STK32A: variants seen among roughly 807,000 people sequenced by gnomAD.
The protein encoded by STK32A is serine/threonine-protein kinase 32A.
Under a neutral mutation model 53.2 loss-of-function variants are expected in STK32A, and 41 were observed. That is an observed-to-expected ratio of 0.77 (90% CI 0.60 to 1.00). The LOEUF is 1.00. Ranked by LOEUF, STK32A falls within the 50% of genes least tolerant of loss-of-function variation. STK32A has a pLI of 0.00. For missense variants in STK32A, 458 were observed against 485.8 expected, an observed-to-expected ratio of 0.94 and a Z score of 0.54; for synonymous variants, 166 against 162.8, an observed-to-expected ratio of 1.02 and a Z score of -0.15.
chr5:147,399,039 T>C, the STK32A span: 2 of 1,598,116 alleles, frequency 1.3e-6, no homozygotes, highest in Non-Finnish European at 1.7e-6. Context: ...GTTCCTTGCA[T>C]GCATTCTCCA....
intron 4 of STK32A, among the ~76,000 whole-genome samples, chr5:147,312,407 A>G (rs1753748332): frequency 6.6e-6 from 1 of 152,178 alleles, no homozygotes; most frequent in Non-Finnish European, 1.5e-5. Context: ...CCCGGCCTGA[A>G]CACTTACTAT....
At chr5:147,379,977 T>C (rs1375933452) in intron 11 of STK32A, among the ~76,000 whole-genome samples, 2 of 152,118 alleles carry the variant, frequency 1.3e-5, no homozygotes, top group African/African-American at 2.4e-5. Flanking sequence ...CTTCTTAAAC[T>C]TCTCCACCTA....
chr5:147,350,069 C>G (rs1755886281), intron 6 of STK32A, among the ~76,000 whole-genome samples: 1 of 151,430 alleles, frequency 6.6e-6, no homozygotes, highest in African/African-American at 2.4e-5. Context: ...CGAGAGCACA[C>G]CATAACACTC....
At chr5:147,331,788 C>A (rs962616450) in intron 5 of STK32A, among the ~76,000 whole-genome samples, 1 of 152,048 alleles carries the variant, frequency 6.6e-6, no homozygotes, top group African/African-American at 2.4e-5. Context: ...TAGAGAGACA[C>A]AGGGAGGATG....
At position 147,351,088 on chromosome 5, in the gene STK32A, A is replaced by G; in HGVS notation, c.496A>G (p.Asn166Asp). ...EHGHVHITDF[N>D]IAAMLPRETQ... ...AGGGCACGTGCACATCACAGATTTC[A>G]ACATTGCTGCGATGCTGCCCAGGGA... The change falls in exon 7 of 13, where the codon AAC becomes GAC. Residue 166 changes from asparagine to aspartate, a missense_variant. Asn to Asp is a conservative substitution (Grantham distance 23). Transcript: ENST00000397936. 1 of 1,613,958 alleles carries G rather than the reference A, an allele frequency of 6.2e-7. No individual in the cohort carries two copies.
intron 2 of STK32A, among the ~76,000 whole-genome samples, chr5:147,274,712 C>A (rs1225240694): frequency 6.6e-6 from 1 of 152,206 alleles, no homozygotes; most frequent in African/African-American, 2.4e-5. Flanking sequence ...ATTCTATGCA[C>A]ATGACCCATT....
At chr5:147,281,359 T>A (rs962265361) in intron 4 of STK32A, among the ~76,000 whole-genome samples, 1 of 152,050 alleles carries the variant, frequency 6.6e-6, no homozygotes, top group African/African-American at 2.4e-5. Flanking sequence ...CAAAATATGA[T>A]ACAAGAAGTG....
chr5:147,376,838 A>C (rs1360052486), intron 11 of STK32A, among the ~76,000 whole-genome samples: 1 of 152,138 alleles, frequency 6.6e-6, no homozygotes, highest in Non-Finnish European at 1.5e-5. Context: ...GATGTTTTTT[A>C]CATATTCTGG....
intron 2 of STK32A, among the ~76,000 whole-genome samples, chr5:147,251,764 A>C (rs1339651439): frequency 1.4e-5 from 2 of 142,224 alleles, no homozygotes; most frequent in African/African-American, 5.2e-5. Flanking sequence ...TTATTAATGA[A>C]GTATTGGGGG....
chr5:147,278,031 A>C lies in STK32A; in HGVS notation c.53-93A>C, dbSNP rs568362469. ...GGTAGTCTGAGATCATGTTTTAGAC[A>C]AGATACTTCAGTTTAGTCCAATCTT... On this transcript the variant is annotated intron_variant, in intron 2 of 12. Coordinates refer to ENST00000397936, the MANE Select transcript of STK32A (RefSeq NM_001112724.2). 55 of 1,093,032 alleles carry C rather than the reference A, an allele frequency of 5.0e-5. 3 individuals carry two copies. The South Asian group carries it at 7.5e-4, about 15-fold the overall frequency. 67.7% of individuals were successfully genotyped at this position (1,093,032 alleles called of 1,614,324 possible). A position where few individuals can be genotyped will look rare whatever the true frequency, so the allele number is the denominator to read the frequency against.
chr5:147,288,427 TAGTC>T (rs1350492974), intron 4 of STK32A, among the ~76,000 whole-genome samples: 1 of 152,194 alleles, frequency 6.6e-6, no homozygotes, highest in East Asian at 1.9e-4. Context: ...GTGAGTGTAT[TAGTC>T]AGTTCTCACA....
At chr5:147,304,108 A>G (rs1258765641) in intron 4 of STK32A, among the ~76,000 whole-genome samples, 1 of 152,224 alleles carries the variant, frequency 6.6e-6, no homozygotes, top group East Asian at 1.9e-4. Context: ...CAATCTGGAA[A>G]TCTAGGTAGC....
intron 2 of STK32A, among the ~76,000 whole-genome samples, chr5:147,250,498 C>T (rs1189145227): frequency 2.0e-5 from 3 of 152,142 alleles, no homozygotes. Context: ...TTGTAGTTCA[C>T]TTATGTTGAA....
chr5:147,334,624 T>C (rs991067122), intron 5 of STK32A, among the ~76,000 whole-genome samples: 4 of 152,166 alleles, frequency 2.6e-5, no homozygotes, highest in Non-Finnish European at 5.9e-5. Context: ...TGTTTGAGGA[T>C]AGTGTGGAAT....
chr5:147,357,032 G>T (rs1756279667), intron 7 of STK32A, among the ~76,000 whole-genome samples: 1 of 152,090 alleles, frequency 6.6e-6, no homozygotes, highest in Non-Finnish European at 1.5e-5. Flanking sequence ...AGTAATGTGG[G>T]TAATGTGAGG....
At chr5:147,332,485 C>G (rs1258707843) in intron 5 of STK32A, among the ~76,000 whole-genome samples, 2 of 151,878 alleles carry the variant, frequency 1.3e-5, no homozygotes. Flanking sequence ...TAAAAATTAT[C>G]TGATTACTTA....
chr5:147,257,611 G>A (rs55782611), intron 2 of STK32A, among the ~76,000 whole-genome samples: 16 of 152,082 alleles, frequency 1.1e-4, no homozygotes, highest in Non-Finnish European at 2.1e-4. Flanking sequence ...AGGGGGCAGC[G>A]CTTTCTTGAC....
intron 4 of STK32A, among the ~76,000 whole-genome samples, chr5:147,309,756 A>G (rs1367274800): frequency 1.3e-5 from 2 of 152,308 alleles, no homozygotes; most frequent in East Asian, 1.9e-4. Context: ...ATAATTTCAT[A>G]TATCTTCAAC....
At chr5:147,264,729 A>C (rs1289740142) in intron 2 of STK32A, among the ~76,000 whole-genome samples, 1 of 152,208 alleles carries the variant, frequency 6.6e-6, no homozygotes, top group Non-Finnish European at 1.5e-5. Flanking sequence ...CTAATGCCTA[A>C]AATGAAAAAG....
Sources: gnomAD v4.1 joint callset for allele counts (sites outside exome capture counted in the v4.1 genomes callset) on GRCh38, gnomAD v4.1.1 for gene constraint, MANE v1.5 for transcripts, NCBI Gene and HGNC (gene_info 2026-07-23, HGNC 2026-07-21) for gene names.